The following LMBR1L variants were observed in gnomAD, a reference collection of about 807,000 sequenced individuals.
The protein encoded by LMBR1L is limb development membrane protein 1 like.
In LMBR1L, 47 loss-of-function variants were observed where a neutral mutation model predicts 67.3. That is an observed-to-expected ratio of 0.70 (90% CI 0.55 to 0.89). The LOEUF (loss-of-function observed/expected upper bound fraction) is 0.89, where lower values mean the gene tolerates loss of function less well. LMBR1L is among the 40% of genes least tolerant of loss of function. The probability of loss-of-function intolerance (pLI) is 0.00; values close to 1 mark genes in which losing one functional copy is unlikely to be tolerated. For synonymous variants in LMBR1L, 247 were observed against 250.3 expected (o/e 0.99, Z 0.13); for missense variants, 533 against 599.2 (o/e 0.89, Z 1.15).
chr12:49,107,469 G>A (rs890438211), intron 1 of LMBR1L, among the ~76,000 whole-genome samples: 2 of 152,204 alleles, frequency 1.3e-5, no homozygotes, highest in African/African-American at 4.8e-5. Flanking sequence ...GGAGGAAGAC[G>A]TCTGCATTGT....
chr12:49,100,242 T>C (rs3741621), intron 15 of LMBR1L, 146 bp downstream of exon 15: 254,181 of 699,968 alleles, frequency 0.36, 50,448 homozygotes, highest in East Asian at 0.71. Context: ...TACAGAGCCT[T>C]GCTTTCCTCA....
chr12:49,105,889 C>A, intron 3 of LMBR1L, 35 bp downstream of exon 3: 1 of 1,592,194 alleles, frequency 6.3e-7, no homozygotes, highest in East Asian at 2.3e-5. Flanking sequence ...TTCCTAAAGA[C>A]CACTGATGTT....
At chr12:49,108,739 A>C (rs952144148) in intron 1 of LMBR1L, among the ~76,000 whole-genome samples, 1 of 152,112 alleles carries the variant, frequency 6.6e-6, no homozygotes, top group African/African-American at 2.4e-5. Context: ...GTCAAAAACA[A>C]AACTAAACAA....
chr12:49,098,255 G>T, intron 15 of LMBR1L, 150 bp from the exon 16 acceptor site: 1 of 810,650 alleles, frequency 1.2e-6, no homozygotes, highest in Non-Finnish European at 2.0e-6. Context: ...TGTCTCAAGA[G>T]CAGTTCGGGA....
intron 4 of LMBR1L, 63 bp downstream of exon 4, chr12:49,104,683 A>C (rs1592217304): frequency 1.9e-6 from 3 of 1,605,814 alleles, no homozygotes; most frequent in Non-Finnish European, 2.6e-6. Context: ...GCCTGAGTCC[A>C]CCCAACTCTA....
rs545490904 is a variant in LMBR1L, at chr12:49,102,627, G to A, written c.697-87C>T. ...AGAACCCTGTTCTTCCCAGGGCTCCGTAGTCCCAGGCTTCCCCCAGACCCT... is the reference window on the plus strand; with the variant it reads ...AGAACCCTGTTCTTCCCAGGGCTCCATAGTCCCAGGCTTCCCCCAGACCCT... On this transcript the variant is annotated intron_variant, in intron 8 of 16. Coordinates refer to ENST00000267102, the MANE Select transcript of LMBR1L (RefSeq NM_018113.4). 201 of 1,354,062 alleles carry A rather than the reference G, an allele frequency of 1.5e-4. 1 individual carries two copies. The highest frequency in any genetic ancestry group is 1.9e-4 in the Non-Finnish European group (182 of 960,526). 83.9% of individuals were successfully genotyped at this position (1,354,062 alleles called of 1,614,324 possible).
Position 49,102,903 on chromosome 12 carries a change from AG to A in LMBR1L, c.679del (p.Leu227CysfsTer2). ...LARMFSVTGKLLVKPRLLEDL... is the reference protein window; with the variant it reads ...LARMFSVTGKXLVKPRLLEDL... ...ACCACATACCCGGGGCTTGACTAGCAGCTTCCCAGTGACGGAGAACATGCGG... is the reference window on the plus strand; with the variant it reads ...ACCACATACCCGGGGCTTGACTAGCACTTCCCAGTGACGGAGAACATGCGG... On this transcript the variant is annotated frameshift_variant, in exon 8 of 17. Transcript: ENST00000267102. LOFTEE classifies it high-confidence loss of function. The A allele has an allele frequency of 6.2e-7, 1 of 1,614,176 alleles. No individual in the cohort carries two copies. Among genetic ancestry groups the A allele is most frequent in the South Asian group, 1.1e-5 (1 of 91,084 alleles).
At position 49,102,244 on chromosome 12, in the gene LMBR1L, A is replaced by T. The variant is rs565430080; in HGVS notation, c.854-48T>A. ...CAGCAAGCACCTGGAACCAGGGGCT[A>T]CTCTCCTTGGGGAAACCCAGGTATC... is the stretch of plus-strand genomic sequence containing the variant. On this transcript the variant is annotated intron_variant, in intron 10 of 16. Coordinates refer to ENST00000267102, the MANE Select transcript of LMBR1L (RefSeq NM_018113.4). 9.3e-6 allele frequency: 15 copies of T among 1,612,410 alleles called. No homozygotes were observed. The Admixed American group carries it at 2.5e-4, about 27-fold the overall frequency.
At chr12:49,103,188 C>T (rs1048768116) in intron 6 of LMBR1L, 29 bp from the exon 7 acceptor site, 3 of 1,583,450 alleles carry the variant, frequency 1.9e-6, no homozygotes, top group South Asian at 1.1e-5. Flanking sequence ...GGCATGTCAG[C>T]TCATCTCTCC....
chr12:49,101,139 A>G, intron 13 of LMBR1L, 111 bp downstream of exon 13: 1 of 1,603,526 alleles, frequency 6.2e-7, no homozygotes, highest in Non-Finnish European at 8.5e-7. Flanking sequence ...CCCACTTCCC[A>G]TCAGCGTTGC....
intron 5 of LMBR1L, 62 bp from the exon 6 acceptor site, chr12:49,103,875 T>A: frequency 6.6e-7 from 1 of 1,520,210 alleles, no homozygotes; most frequent in Non-Finnish European, 8.9e-7. Flanking sequence ...ACATTGGAGA[T>A]GGCAGGCAGC....
chr12:49,098,667 C>A (rs1939718211), intron 15 of LMBR1L, among the ~76,000 whole-genome samples: 1 of 152,198 alleles, frequency 6.6e-6, no homozygotes, highest in African/African-American at 2.4e-5. Context: ...TGCTCTCCAC[C>A]TTTAAATATT....
rs1306940385 is a variant in LMBR1L, at chr12:49,110,790, C to T, written c.-235G>A. On this transcript the variant is annotated 5_prime_UTR_variant, in exon 1 of 17. Transcript: ENST00000267102. ...CTCTGTCCTCCCTTTGCTCCCCACT[C>T]TTTAAGGTCGGGTCGCGCTCACGTT... The T allele has an allele frequency of 3.7e-6, 2 of 544,568 alleles. No individual in the cohort carries two copies. The highest frequency in any genetic ancestry group is 6.6e-6 in the Non-Finnish European group (2 of 303,438). 33.7% of individuals were successfully genotyped at this position (544,568 alleles called of 1,614,324 possible). A position where few individuals can be genotyped will look rare whatever the true frequency, so the allele number is the denominator to read the frequency against.
In LMBR1L at chr12:49,104,548, A is replaced by G; in HGVS notation, c.335T>C (p.Leu112Pro). The G allele has an allele frequency of 6.2e-7, 1 of 1,612,860 alleles. No individual in the cohort carries two copies. Among genetic ancestry groups the G allele is most frequent in the Non-Finnish European group, 8.5e-7 (1 of 1,178,886 alleles). The change falls in exon 5 of 17, where the codon CTC becomes CCC. Residue 112 changes from leucine (L) to proline (P), a missense_variant. By Grantham distance (98) the Leu-to-Pro change is moderately conservative (BLOSUM62 -3). Around this residue, in one of 3 missense-constraint regions of LMBR1L, gnomAD observed 246 missense variants for 249.0 expected, o/e 0.99. Transcript: ENST00000267102. ...QWLNGSLIHG[L>P]WNLVFLFSNL... ...GGAGAAGAGAAAAACAAGGTTCCAG[A>G]GGCCTAGAGCAAAAAAGGAAGAGCA... is the stretch of plus-strand genomic sequence containing the variant.
intron 11 of LMBR1L, chr12:49,101,783 A>G: frequency 1.7e-6 from 1 of 581,292 alleles, no homozygotes; most frequent in Non-Finnish European, 3.1e-6. Flanking sequence ...AGGAAAAGGC[A>G]TCTCTCTTCC....
intron 2 of LMBR1L, chr12:49,106,753 A>G (rs758709372): frequency 2.3e-6 from 2 of 857,238 alleles, no homozygotes; most frequent in Non-Finnish European, 3.8e-6. Context: ...GAAACTGAGG[A>G]TCAGAAATGT....
chr12:49,104,456 A>T lies in LMBR1L; in HGVS notation c.427T>A (p.Ser143Thr). Residue 143 changes from serine to threonine, a missense_variant, in exon 5 of 17, where the codon TCC becomes ACC. Ser to Thr is a moderately conservative substitution (Grantham distance 58). Transcript: ENST00000267102. ...FFTESEGFAG[S>T]RKGVLGRVYE... ...ACATATCCCCTACTTACCTTTCTGG[A>T]GCCAGCAAAGCCCTCAGACTCAGTG... 1 of 1,608,986 alleles carries T rather than the reference A, an allele frequency of 6.2e-7. No homozygotes were observed. Among genetic ancestry groups the T allele is most frequent in the Non-Finnish European group, 8.5e-7 (1 of 1,175,366 alleles).
At position 49,097,985 on chromosome 12, in the gene LMBR1L, G is replaced by A. The variant is rs755199054; in HGVS notation, c.1361C>T (p.Thr454Ile). 3.1e-6 allele frequency: 5 copies of A among 1,614,092 alleles called. No homozygotes were observed. In the Admixed American group the frequency reaches 6.7e-5, roughly 22 times the overall value. Reference sequence around the variant, plus strand: ...CTCTGCCCGCACAGCTGCAGTGAAGGTCTTCACCAGACAGAGTGTGGTGAG... The same window carrying A: ...CTCTGCCCGCACAGCTGCAGTGAAGATCTTCACCAGACAGAGTGTGGTGAG... ...AGLTTLCLVK[T>I]FTAAVRAELI... The change falls in exon 16 of 17, where the codon ACC becomes ATC. Residue 454 changes from threonine (T) to isoleucine (I), a missense_variant. By Grantham distance (89) the Thr-to-Ile change is moderately conservative (BLOSUM62 -1). This residue lies in a region of LMBR1L where 223 missense variants were observed against 241.2 expected (regional missense o/e 0.92). Transcript: ENST00000267102.
rs928917835 is a variant in LMBR1L, at chr12:49,109,803, C to T, written c.72+681G>A. The T allele has an allele frequency of 8.9e-6, 4 of 450,644 alleles. No homozygotes were observed. The Admixed American group carries it at 9.6e-5, about 11-fold the overall frequency. 27.9% of individuals were successfully genotyped at this position (450,644 alleles called of 1,614,324 possible). A position where few individuals can be genotyped will look rare whatever the true frequency, so the allele number is the denominator to read the frequency against. On this transcript the variant is annotated intron_variant, in intron 1 of 16. Coordinates refer to ENST00000267102, the MANE Select transcript of LMBR1L (RefSeq NM_018113.4). ...GTGGCAGGGAGGGCGTAAGGAACAG[C>T]AGCCAGGTACCCTCTGAAGCCCTGG...
Sources: allele counts gnomAD v4.1 joint callset (sites outside exome capture counted in the v4.1 genomes callset), GRCh38; gene constraint gnomAD v4.1.1; regional missense constraint gnomAD v4.1.1; transcripts MANE v1.5; gene names NCBI Gene and HGNC (gene_info 2026-07-23, HGNC 2026-07-21).